The following SLC27A6 variants were observed in gnomAD, a reference collection of about 807,000 sequenced individuals.
SLC27A6 encodes the protein long-chain fatty acid transport protein 6.
A neutral mutation model predicts 63.9 loss-of-function variants in SLC27A6; 74 were observed. The ratio of observed to expected loss-of-function variants is 1.16; its 90% CI spans 0.96 to 1.40. The LOEUF is 1.40. Ranked by LOEUF, SLC27A6 falls within the 40% of genes most tolerant of loss-of-function variation. The pLI is 0.00. For synonymous variants in SLC27A6, 287 were observed against 260.8 expected, an observed-to-expected ratio of 1.10 and a Z score of -0.97; for missense variants, 794 against 732.9, an observed-to-expected ratio of 1.08 and a Z score of -0.96.
chr5:129,007,559 A>T (rs1751585755), intron 4 of SLC27A6, among the ~76,000 whole-genome samples: 1 of 152,020 alleles, frequency 6.6e-6, no homozygotes, highest in Non-Finnish European at 1.5e-5. Flanking sequence ...TTAAATGACA[A>T]GCATTCAACT....
intron 4 of SLC27A6, among the ~76,000 whole-genome samples, chr5:129,000,054 T>C (rs1751283831): frequency 6.6e-6 from 1 of 152,164 alleles, no homozygotes; most frequent in African/African-American, 2.4e-5. Context: ...TATGTTGATC[T>C]GAACATACAG....
chr5:129,009,970 C>T (rs547817919), intron 4 of SLC27A6, among the ~76,000 whole-genome samples: 33 of 152,314 alleles, frequency 2.2e-4, no homozygotes, highest in African/African-American at 7.9e-4. Context: ...AGCCACTGCA[C>T]CTGGCGCTAA....
rs1238417784 is a variant in SLC27A6 at position 128,988,715 on chromosome 5, T to C, written c.801T>C (p.His267=). 3.1e-6 allele frequency: 5 copies of C among 1,613,862 alleles called. No homozygotes were observed. The highest frequency in any genetic ancestry group is 2.2e-5 in the East Asian group (1 of 44,860). ...TTTATATAACCCTTCCTCTGTATCA[T>C]AGTTCAGCAGCTATCCTGGGAATTT... ...DIVYITLPLY[H]SSAAILGISG... is the part of the protein sequence containing the mutation. The change falls in exon 3 of 10, where the codon CAT becomes CAC. Residue 267 remains histidine (H), a synonymous_variant. Coordinates refer to ENST00000262462, the MANE Select transcript of SLC27A6 (RefSeq NM_001017372.3).
At chr5:128,967,268 G>A (rs1049664029) in intron 1 of SLC27A6, among the ~76,000 whole-genome samples, 6 of 152,022 alleles carry the variant, frequency 3.9e-5, no homozygotes, top group African/African-American at 1.4e-4. Context: ...GGACATCTTA[G>A]GCTACACGTA....
chr5:129,023,576 T>G, intron 5 of SLC27A6, 44 bp from the exon 6 acceptor site: 1 of 1,387,942 alleles, frequency 7.2e-7, no homozygotes, highest in Non-Finnish European at 1.0e-6. Flanking sequence ...AATGCACAAG[T>G]AACTAAATGC....
intron 4 of SLC27A6, among the ~76,000 whole-genome samples, chr5:129,012,530 C>T (rs986812388): frequency 2.6e-5 from 4 of 151,738 alleles, no homozygotes; most frequent in Non-Finnish European, 4.4e-5. Flanking sequence ...ATTTTTTTCC[C>T]GCTTATTCTA....
chr5:129,012,991 G>A (rs915753121), intron 4 of SLC27A6, among the ~76,000 whole-genome samples: 3 of 150,176 alleles, frequency 2.0e-5, no homozygotes, highest in South Asian at 2.1e-4. Context: ...TTTTCTTGTT[G>A]TCTCATCTGT....
chr5:129,007,926 A>G (rs1484539792), intron 4 of SLC27A6, among the ~76,000 whole-genome samples: 8 of 152,150 alleles, frequency 5.3e-5, no homozygotes. Context: ...AACATCATAT[A>G]TTTGAATGAT....
intron 1 of SLC27A6, among the ~76,000 whole-genome samples, chr5:128,974,492 C>T (rs1477834503): frequency 6.6e-6 from 1 of 152,192 alleles, no homozygotes; most frequent in Non-Finnish European, 1.5e-5. Flanking sequence ...TAGCTTAGAT[C>T]ATAGTCACTT....
At chr5:128,996,010 T>A (rs891880862) in intron 4 of SLC27A6, among the ~76,000 whole-genome samples, 2 of 146,114 alleles carry the variant, frequency 1.4e-5, no homozygotes, top group Non-Finnish European at 3.0e-5. Context: ...AAAACTGAGA[T>A]TCGAGGAATT....
chr5:129,009,736 G>A (rs1477743676), intron 4 of SLC27A6, among the ~76,000 whole-genome samples: 6 of 152,002 alleles, frequency 3.9e-5, no homozygotes, highest in Admixed American at 6.6e-5. Context: ...GTGCAGTGGC[G>A]CGATCTCGGC....
chr5:129,021,148 G>C (rs77168368), intron 5 of SLC27A6, among the ~76,000 whole-genome samples: 37 of 149,042 alleles, frequency 2.5e-4, no homozygotes, highest in African/African-American at 7.7e-4. Context: ...GTGCCTCAGA[G>C]ACCCCATTTC....
chr5:128,979,501 A>G (rs1358735905), intron 1 of SLC27A6, among the ~76,000 whole-genome samples: 2 of 152,050 alleles, frequency 1.3e-5, no homozygotes, highest in African/African-American at 4.8e-5. Flanking sequence ...TATATATATC[A>G]TTTACTTACT....
chr5:128,979,099 A>G (rs1425755090), intron 1 of SLC27A6, among the ~76,000 whole-genome samples: 1 of 150,080 alleles, frequency 6.7e-6, no homozygotes, highest in African/African-American at 2.4e-5. Context: ...CATAAAGTAT[A>G]TTCAACAAAT....
chr5:128,981,206 G>A (rs776819898), intron 1 of SLC27A6, among the ~76,000 whole-genome samples: 4 of 152,158 alleles, frequency 2.6e-5, no homozygotes, highest in African/African-American at 4.8e-5. Context: ...CTGGCTGGGC[G>A]TGGTGGCTCA....
chr5:129,028,360 T>A lies in SLC27A6; in HGVS notation c.1470T>A (p.Asn490Lys). 1 of 1,608,614 alleles carries A rather than the reference T, an allele frequency of 6.2e-7. No individual in the cohort carries two copies. Among genetic ancestry groups the A allele is most frequent in the Non-Finnish European group, 8.5e-7 (1 of 1,175,856 alleles). ...TGDTFRWKGE[N>K]VATTEVADVI... Reference sequence around the variant, plus strand: ...TTTCATTTAGATGGAAAGGAGAAAATGTCGCAACCACTGAGGTTGCTGATG... The same window carrying A: ...TTTCATTTAGATGGAAAGGAGAAAAAGTCGCAACCACTGAGGTTGCTGATG... The change falls in exon 8 of 10, where the codon AAT (asparagine) becomes AAA (lysine). Residue 490 changes from asparagine (N) to lysine (K), a missense_variant. Physicochemically the swap from Asn to Lys is moderately conservative, Grantham distance 94 (BLOSUM62 0). Transcript: ENST00000262462.
At chr5:128,992,640 G>T (rs145712417) in intron 4 of SLC27A6, among the ~76,000 whole-genome samples, 3 of 152,256 alleles carry the variant, frequency 2.0e-5, no homozygotes, top group African/African-American at 7.2e-5. Context: ...CTCAGGTAAG[G>T]GAGGTAGTCT....
rs750867359 is a variant in SLC27A6, at chr5:128,966,524, C to T, written c.387C>T (p.Gly129=). 6.2e-7 allele frequency: 1 copy of T among 1,600,774 alleles called. No individual in the cohort carries two copies. Among genetic ancestry groups the T allele is most frequent in the East Asian group, 2.2e-5 (1 of 44,828 alleles). The change falls in exon 1 of 10, where the codon GGC becomes GGT. Residue 129 remains glycine (G), a synonymous_variant. Coordinates refer to ENST00000262462, the MANE Select transcript of SLC27A6 (RefSeq NM_001017372.3). ...TGTGGTTCGGCCTCGCCAAGCTGGG[C>T]TGCGTGGTGGCCTTTCTCAACACCA... ...VHVWFGLAKL[G]CVVAFLNTNI... is the part of the protein sequence containing the mutation.
Position 129,016,005 on chromosome 5 carries a change from A to G in SLC27A6, c.1090A>G (p.Thr364Ala). The G allele has an allele frequency of 1.2e-6, 2 of 1,610,624 alleles. No individual in the cohort carries two copies. Among genetic ancestry groups the G allele is most frequent in the Non-Finnish European group, 1.7e-6 (2 of 1,178,958 alleles). ...AAAGGTGTGTGAACTTTATGCAGCT[A>G]CCGAATCAAGCATATCTTTCATGAA... ...NIKVCELYAA[T>A]ESSISFMNYT... Residue 364 changes from threonine (T) to alanine (A), a missense_variant, in exon 5 of 10, where the codon ACC becomes GCC. Physicochemically the swap from Thr to Ala is moderately conservative, Grantham distance 58 (BLOSUM62 0). Transcript: ENST00000262462.
Sources: gnomAD v4.1 joint callset for allele counts (sites outside exome capture counted in the v4.1 genomes callset) on GRCh38, gnomAD v4.1.1 for gene constraint, MANE v1.5 for transcripts, NCBI Gene and HGNC (gene_info 2026-07-23, HGNC 2026-07-21) for gene names.